CRLF1: variants seen among roughly 807,000 people sequenced by gnomAD.
CRLF1 encodes the protein cytokine receptor-like factor 1.
Under a neutral mutation model 48.9 loss-of-function variants are expected in CRLF1, and 36 were observed. The observed-to-expected ratio is 0.74, with a 90% confidence interval of 0.56 to 0.97. CRLF1 has a LOEUF of 0.97. Among genes scored for constraint, CRLF1 ranks in the 50% least tolerant of loss-of-function variants. The probability of loss-of-function intolerance (pLI) is 0.00; values close to 1 mark genes in which losing one functional copy is unlikely to be tolerated. For synonymous variants in CRLF1, 256 were observed against 253.4 expected, an observed-to-expected ratio of 1.01 and a Z score of -0.10; for missense variants, 534 against 575.1, an observed-to-expected ratio of 0.93 and a Z score of 0.73.
intron 1 of CRLF1, among the ~76,000 whole-genome samples, chr19:18,601,615 G>C (rs1976222146): frequency 6.6e-6 from 1 of 151,966 alleles, no homozygotes; most frequent in African/African-American, 2.4e-5. Context: ...TGTTGGCCAG[G>C]CTGGTCTCGA....
At chr19:18,594,642 G>A (rs952053572) in intron 6 of CRLF1, among the ~76,000 whole-genome samples, 4 of 151,924 alleles carry the variant, frequency 2.6e-5, no homozygotes, top group Middle Eastern at 3.2e-3. Flanking sequence ...TGGGGGGGAG[G>A]GGGAAGGAAG....
intron 2 of CRLF1, 150 bp downstream of exon 2, chr19:18,599,415 G>C (rs1243031847): frequency 1.3e-5 from 15 of 1,182,626 alleles, no homozygotes; most frequent in African/African-American, 1.5e-5. Flanking sequence ...CGGGTCTCCA[G>C]GTTCTCATTC....
In CRLF1 at chr19:18,599,620, G is replaced by C. The variant is rs139923667; in HGVS notation, c.342C>G (p.Leu114=). 6.2e-6 allele frequency: 10 copies of C among 1,613,318 alleles called. No individual in the cohort carries two copies. The Admixed American group carries it at 1.3e-4, about 22-fold the overall frequency. ...TGCTGCCGTCACGGGCGTGGCACAC[G>C]AGGTTGTCCCCCGACCGCTGCCTGG... ...NGSRQRSGDN[L]VCHARDGSIL... Residue 114 remains leucine (L), a synonymous_variant, in exon 2 of 9, where the codon CTC becomes CTG. Transcript: ENST00000392386.
rs1976079632 is a variant in CRLF1, at chr19:18,593,260, A to T, written c.*306T>A. ...CAGCACCTAAATAGCTCATTTATTT[A>T]AAAGGACTCTTTTGGAGGGGCCCTA... On this transcript the variant is annotated 3_prime_UTR_variant, in exon 9 of 9. Coordinates refer to ENST00000392386, the MANE Select transcript of CRLF1 (RefSeq NM_004750.5). The T allele has an allele frequency of 2.5e-6, 1 of 403,134 alleles. No homozygotes were observed. The allele number at this position is 403,134 out of a possible 1,614,324, so 25.0% of individuals were successfully genotyped here. A position where few individuals can be genotyped will look rare whatever the true frequency, so the allele number is the denominator to read the frequency against.
At chr19:18,602,126 G>A (rs1976228611) in intron 1 of CRLF1, among the ~76,000 whole-genome samples, 1 of 152,216 alleles carries the variant, frequency 6.6e-6, no homozygotes, top group Non-Finnish European at 1.5e-5. Context: ...ACTTGGGGAC[G>A]CCCATGGGTG....
At chr19:18,603,413 A>C (rs1475459928) in intron 1 of CRLF1, among the ~76,000 whole-genome samples, 1 of 152,194 alleles carries the variant, frequency 6.6e-6, no homozygotes, top group Non-Finnish European at 1.5e-5. Flanking sequence ...TGGGAGCTGC[A>C]AGTGCCAAGG....
chr19:18,599,082 G>C (rs1056844772), intron 2 of CRLF1, 181 bp from the exon 3 acceptor site: 1 of 985,184 alleles, frequency 1.0e-6, no homozygotes, highest in Non-Finnish European at 1.2e-6. Flanking sequence ...AAGGGCTCTT[G>C]AGAGGCTGGT....
intron 1 of CRLF1, among the ~76,000 whole-genome samples, chr19:18,603,072 A>G (rs1976240494): frequency 2.0e-5 from 3 of 152,232 alleles, no homozygotes. Flanking sequence ...GAGTGGTTGT[A>G]AAGACTCATC....
At chr19:18,593,607 G>C in intron 8 of CRLF1, 28 bp from the exon 9 acceptor site, 1 of 1,596,714 alleles carries the variant, frequency 6.3e-7, no homozygotes, top group Non-Finnish European at 8.5e-7. Context: ...GCCAAGCTAA[G>C]CAGGGAGTCC....
chr19:18,593,713 C>T (rs1568439338), intron 8 of CRLF1, 134 bp from the exon 9 acceptor site: 3 of 1,524,234 alleles, frequency 2.0e-6, no homozygotes, highest in Non-Finnish European at 2.7e-6. Context: ...GGTCCTGCCC[C>T]TCTCCGGGCC....
At chr19:18,600,859 A>G (rs1976212211) in intron 1 of CRLF1, among the ~76,000 whole-genome samples, 2 of 152,148 alleles carry the variant, frequency 1.3e-5, no homozygotes, top group Non-Finnish European at 2.9e-5. Flanking sequence ...GCTGGAGTGC[A>G]GTGGCACGAT....
At chr19:18,596,062 T>C (rs1222529612) in intron 6 of CRLF1, among the ~76,000 whole-genome samples, 4 of 152,226 alleles carry the variant, frequency 2.6e-5, no homozygotes, top group East Asian at 1.9e-4. Context: ...TTACATTTTC[T>C]AGATAATTTA....
intron 1 of CRLF1, among the ~76,000 whole-genome samples, chr19:18,603,860 G>C (rs2872600): frequency 1.3e-5 from 2 of 150,994 alleles, no homozygotes; most frequent in African/African-American, 2.4e-5. Context: ...CCGGCTGAGC[G>C]GGCCAGAGCC....
At chr19:18,594,203 G>A in intron 7 of CRLF1, 44 bp downstream of exon 7, 1 of 1,595,174 alleles carries the variant, frequency 6.3e-7, no homozygotes, top group Admixed American at 1.7e-5. Context: ...GGCCCCCCCA[G>A]CTCCCTGTCC....
intron 1 of CRLF1, among the ~76,000 whole-genome samples, chr19:18,605,132 CACTT>C (rs1976273610): frequency 6.6e-6 from 1 of 151,082 alleles, no homozygotes; most frequent in Admixed American, 6.6e-5. Flanking sequence ...GGAAAAAACA[CACTT>C]ACAGTGCCCC....
rs1316007183 is a variant in CRLF1 at position 18,598,509 on chromosome 19, T to C, written c.620A>G (p.Tyr207Cys). 20 of 1,613,876 alleles carry C rather than the reference T, an allele frequency of 1.2e-5. No individual in the cohort carries two copies. The highest frequency in any genetic ancestry group is 4.5e-5 in the East Asian group (2 of 44,872). Residue 207 changes from tyrosine to cysteine, a missense_variant, in exon 4 of 9, where the codon TAT becomes TGT. Physicochemically the swap from Tyr to Cys is radical, Grantham distance 194. This residue lies in a region of CRLF1 where 528 missense variants were observed against 555.7 expected (regional missense o/e 0.95). Coordinates refer to ENST00000392386, the MANE Select transcript of CRLF1 (RefSeq NM_004750.5). ...GTTGGTGGCCTCCACCCAGATCTCA[T>C]AGGGCGTAAAGAGAGCCAGGTCCTT... ...IPKDLALFTPYEIWVEATNRL... is the reference protein window; with the variant it reads ...IPKDLALFTPCEIWVEATNRL...
chr19:18,598,693 G>C, intron 3 of CRLF1, 79 bp downstream of exon 3: 1 of 1,613,750 alleles, frequency 6.2e-7, no homozygotes, highest in South Asian at 1.1e-5. Context: ...CAACACATGG[G>C]GGCTCAGAGA....
Position 18,596,806 on chromosome 19 carries a change from A to T in CRLF1, c.856-16T>A. 6.2e-7 allele frequency: 1 copy of T among 1,613,658 alleles called. No homozygotes were observed. The highest frequency in any genetic ancestry group is 8.5e-7 in the Non-Finnish European group (1 of 1,179,818). On this transcript the variant is annotated splice_polypyrimidine_tract_variant and intron_variant, in intron 5 of 8. Coordinates refer to ENST00000392386, the MANE Select transcript of CRLF1 (RefSeq NM_004750.5). ...CGTCCACCACCTGGACAGTGAGGAC[A>T]AGGTCAGAGTAGAGGGCGGGGCCTA...
chr19:18,600,373 ATT>A (rs35218652), intron 1 of CRLF1, among the ~76,000 whole-genome samples: 2 of 107,758 alleles, frequency 1.9e-5, no homozygotes, highest in African/African-American at 3.9e-5. Flanking sequence ...TAACTTTTGT[ATT>A]TTTTTTTTTT....
Sources: gnomAD v4.1 joint callset for allele counts (sites outside exome capture counted in the v4.1 genomes callset) on GRCh38, gnomAD v4.1.1 for gene constraint, gnomAD v4.1.1 regional missense constraint, MANE v1.5 for transcripts, NCBI Gene and HGNC (gene_info 2026-07-23, HGNC 2026-07-21) for gene names.